The following TTLL9 variants were observed in gnomAD, a reference collection of about 807,000 sequenced individuals.
TTLL9 encodes the protein probable tubulin polyglutamylase TTLL9.
Under a neutral mutation model 65.6 loss-of-function variants are expected in TTLL9, and 47 were observed. That is an observed-to-expected ratio of 0.72 (90% CI 0.57 to 0.91). The LOEUF (loss-of-function observed/expected upper bound fraction) is 0.91. TTLL9 is among the 40% of genes least tolerant of loss of function. TTLL9 has a pLI of 0.00. For missense variants in TTLL9, 537 were observed against 568.8 expected, an observed-to-expected ratio of 0.94 and a Z score of 0.57; for synonymous variants, 179 against 204.8, an observed-to-expected ratio of 0.87 and a Z score of 1.07.
At chr20:31,930,493 C>T (rs2063991073) in intron 10 of TTLL9, among the ~76,000 whole-genome samples, 2 of 152,158 alleles carry the variant, frequency 1.3e-5, no homozygotes, top group South Asian at 4.1e-4. Flanking sequence ...GCTTTATTTT[C>T]TCTTTTATGT....
chr20:31,879,809 G>C, intron 2 of TTLL9: 2 of 1,547,538 alleles, frequency 1.3e-6, no homozygotes, highest in Non-Finnish European at 1.7e-6. Flanking sequence ...CCTGTCTGTC[G>C]CCTTGGCAAC....
At chr20:31,915,338 A>T (rs2063717804) in intron 6 of TTLL9, among the ~76,000 whole-genome samples, 3 of 152,128 alleles carry the variant, frequency 2.0e-5, no homozygotes, top group Non-Finnish European at 4.4e-5. Context: ...AAAAATTGGC[A>T]GAGCGTGGTG....
At chr20:31,920,227 G>GCACACA (rs1271389019) in intron 7 of TTLL9, among the ~76,000 whole-genome samples, 278 of 102,088 alleles carry the variant, frequency 2.7e-3, no homozygotes, top group African/African-American at 9.5e-3. Context: ...AAGCAAACAC[G>GCACACA]CGCACACACA....
intron 10 of TTLL9, among the ~76,000 whole-genome samples, chr20:31,927,854 TTGAGTGCGTGTCCAAGG>T (rs1209018126): frequency 6.6e-6 from 1 of 152,236 alleles, no homozygotes; most frequent in African/African-American, 2.4e-5. Flanking sequence ...CCCCATTCAG[TTGAGTGCGTGTCCAAGG>T]TGATGCATGT....
chr20:31,910,693 G>A (rs919342219), intron 6 of TTLL9, among the ~76,000 whole-genome samples: 1 of 152,136 alleles, frequency 6.6e-6, no homozygotes, highest in Admixed American at 6.5e-5. Context: ...AGTTAACACA[G>A]GTAAAGCACA....
intron 2 of TTLL9, chr20:31,883,953 C>T (rs1177795324): frequency 2.3e-6 from 1 of 428,658 alleles, no homozygotes; most frequent in East Asian, 3.5e-5. Flanking sequence ...TGCAATAAAG[C>T]AAGAAAAAGA....
intron 7 of TTLL9, among the ~76,000 whole-genome samples, chr20:31,921,697 G>A (rs1210813399): frequency 2.0e-5 from 3 of 152,074 alleles, no homozygotes; most frequent in Non-Finnish European, 2.9e-5. Context: ...GCTGGAAACC[G>A]TCATTCTCAG....
At position 31,939,261 on chromosome 20, in the gene TTLL9, A is replaced by G. The variant is rs1415482713; in HGVS notation, c.1238A>G (p.His413Arg). The G allele has an allele frequency of 6.2e-7, 1 of 1,613,422 alleles. No individual in the cohort carries two copies. The part of the protein sequence containing the change: ...SGMGNFVTNT[H>R]LGCVNDRKKQ... ...ATGGGAAACTTTGTGACCAACACACATCTCGGTATGTAGGGCCAGGTGGGG... is the reference window on the plus strand; with the variant it reads ...ATGGGAAACTTTGTGACCAACACACGTCTCGGTATGTAGGGCCAGGTGGGG... Residue 413 changes from histidine to arginine, a missense_variant, in exon 14 of 15, where the codon CAT (histidine) becomes CGT (arginine). By Grantham distance (29) the His-to-Arg change is conservative (BLOSUM62 0). Transcript: ENST00000535842.
chr20:31,929,484 A>G (rs1485063404), intron 10 of TTLL9, among the ~76,000 whole-genome samples: 1 of 152,136 alleles, frequency 6.6e-6, no homozygotes, highest in East Asian at 1.9e-4. Flanking sequence ...TTCCAGGCTC[A>G]TTTGTAGGGA....
chr20:31,905,917 C>G (rs1045183165), intron 4 of TTLL9, among the ~76,000 whole-genome samples: 3 of 151,404 alleles, frequency 2.0e-5, no homozygotes, highest in African/African-American at 7.3e-5. Context: ...CCTCTAATCT[C>G]AGCTACTCTG....
intron 14 of TTLL9, among the ~76,000 whole-genome samples, chr20:31,941,755 C>T (rs755902344): frequency 6.6e-6 from 1 of 152,042 alleles, no homozygotes; most frequent in Non-Finnish European, 1.5e-5. Context: ...GATTTTTTTC[C>T]TGTAGAGACA....
intron 2 of TTLL9, among the ~76,000 whole-genome samples, chr20:31,873,878 AAGAAAG>A (rs1350756408): frequency 1.3e-4 from 19 of 142,152 alleles, no homozygotes; most frequent in Admixed American, 1.3e-3. Context: ...GAAAGAAAGA[AAGAAAG>A]AGAAAGAAAA....
chr20:31,919,885 G>A lies in TTLL9; in HGVS notation c.526G>A (p.Gly176Ser). The change falls in exon 7 of 15, where the codon GGC becomes AGC. Residue 176 changes from glycine (G) to serine (S), a missense_variant. By Grantham distance (56) the Gly-to-Ser change is moderately conservative (BLOSUM62 0). This residue lies in a region of TTLL9 where 320 missense variants were observed against 311.0 expected (regional missense o/e 1.03). Coordinates refer to ENST00000535842, the MANE Select transcript of TTLL9 (RefSeq NM_001008409.5). ...MKPVARSQGK[G>S]IFLFRRLKDI... is the part of the protein sequence containing the mutation. ...CCAGGTAGCCCGGTCTCAAGGGAAA[G>A]GCATCTTCCTCTTCCGTAGGCTGAA... The A allele has an allele frequency of 1.3e-6, 2 of 1,593,084 alleles. No homozygotes were observed. The highest frequency in any genetic ancestry group is 4.7e-5 in the East Asian group (2 of 42,120).
rs148551170 is a variant in TTLL9, at chr20:31,927,197, A to G, written c.748+1106A>G. 4.0e-5 allele frequency among the ~76,000 whole-genome samples: 6 copies of G among 151,714 alleles called. No homozygotes were observed. In the East Asian group the frequency reaches 1.2e-3, roughly 30 times the overall value. On this transcript the variant is annotated intron_variant, in intron 10 of 14. Transcript: ENST00000535842. ...ATAGACAACTCTGGAAGAACAGACA[A>G]GAAGCTGGGTGCAGCGGCTCACACC...
intron 2 of TTLL9, among the ~76,000 whole-genome samples, chr20:31,875,794 TTCTAAATAA>T (rs2063030833): frequency 4.6e-5 from 7 of 152,190 alleles, no homozygotes; most frequent in African/African-American, 1.7e-4. Flanking sequence ...AACAAAAACA[TTCTAAATAA>T]ACTTGAAGTA....
rs748398524 is a variant in TTLL9 at position 31,922,983 on chromosome 20, C to T, written c.594C>T (p.Asp198=). The T allele has an allele frequency of 1.9e-6, 3 of 1,613,788 alleles. No homozygotes were observed. In the East Asian group the frequency reaches 6.7e-5, roughly 36 times the overall value. Residue 198 remains aspartate (D), a synonymous_variant, in exon 8 of 15, where the codon GAC becomes GAT. Transcript: ENST00000535842. ...ACTAGGACACAAGAAGCTCTGACGA[C>T]CAGAAAGATGATATTCCCGTGGAGA... ...DWRKDTRSSD[D]QKDDIPVENY... is the part of the protein sequence containing the mutation.
At chr20:31,883,204 T>C (rs933586962) in intron 2 of TTLL9, among the ~76,000 whole-genome samples, 8 of 151,038 alleles carry the variant, frequency 5.3e-5, no homozygotes, top group South Asian at 2.1e-4. Context: ...TTCTTTCTTT[T>C]TTTTTTTTTT....
At chr20:31,931,920 A>G (rs774158185) in intron 10 of TTLL9, among the ~76,000 whole-genome samples, 2 of 152,160 alleles carry the variant, frequency 1.3e-5, no homozygotes, top group Admixed American at 6.5e-5. Context: ...TTCTTTTGCC[A>G]TCTGTGCTTT....
chr20:31,933,238 A>G (rs1249282307), intron 10 of TTLL9, among the ~76,000 whole-genome samples: 3 of 152,120 alleles, frequency 2.0e-5, no homozygotes, highest in Non-Finnish European at 4.4e-5. Flanking sequence ...GAGAGGCCAA[A>G]TCTCAGGGCT....
Sources: gnomAD v4.1 joint callset for allele counts (sites outside exome capture counted in the v4.1 genomes callset) on GRCh38, gnomAD v4.1.1 for gene constraint, gnomAD v4.1.1 regional missense constraint, MANE v1.5 for transcripts, NCBI Gene and HGNC (gene_info 2026-07-23, HGNC 2026-07-21) for gene names.